The following FHIT variants were observed in gnomAD, a reference collection of about 807,000 sequenced individuals.
FHIT encodes the protein bis(5'-adenosyl)-triphosphatase.
Under a neutral mutation model 17.9 loss-of-function variants are expected in FHIT, and 19 were observed. That is an observed-to-expected ratio of 1.06 (90% CI 0.74 to 1.56). The LOEUF is 1.56. FHIT is among the 40% of genes most tolerant of loss of function. The probability of loss-of-function intolerance (pLI) is 0.00; values close to 1 mark genes in which losing one functional copy is unlikely to be tolerated. For synonymous variants in FHIT, 81 were observed against 69.7 expected (o/e 1.16, Z -0.81); for missense variants, 248 against 189.2 (o/e 1.31, Z -1.82).
intron 5 of FHIT, among the ~76,000 whole-genome samples, chr3:60,186,092 G>A (rs1702145993): frequency 6.6e-6 from 1 of 151,926 alleles, no homozygotes; most frequent in East Asian, 1.9e-4. Context: ...CCAGACTCTG[G>A]CTTGGCTTTT....
At chr3:60,426,902 T>C (rs939718892) in intron 5 of FHIT, among the ~76,000 whole-genome samples, 5 of 152,130 alleles carry the variant, frequency 3.3e-5, no homozygotes, top group Admixed American at 1.3e-4. Flanking sequence ...ATGTAACCCA[T>C]ATAATTCCTC....
intron 5 of FHIT, among the ~76,000 whole-genome samples, chr3:60,318,592 C>T (rs1167020275): frequency 6.6e-6 from 1 of 152,190 alleles, no homozygotes; most frequent in East Asian, 1.9e-4. Flanking sequence ...GTCAAGACCA[C>T]AATGACTGAC....
chr3:60,992,817 A>G (rs866493360), intron 3 of FHIT, among the ~76,000 whole-genome samples: 6 of 152,236 alleles, frequency 3.9e-5, no homozygotes, highest in African/African-American at 1.4e-4. Context: ...TGCTCTATAA[A>G]GAATAAAAAT....
rs891039493 is a variant in FHIT, at chr3:61,219,607, T to C, written c.-212-18942A>G. On this transcript the variant is annotated intron_variant, in intron 1 of 9. Coordinates refer to ENST00000492590, the MANE Select transcript of FHIT (RefSeq NM_002012.4). ...TGCCTAATTCGTCCATATTTTGTTC[T>C]AGAGCAGACAAACTCTGTATCCTTC... is the stretch of plus-strand genomic sequence containing the variant. 4.6e-5 allele frequency among the ~76,000 whole-genome samples: 7 copies of C among 152,182 alleles called. No homozygotes were observed. The East Asian group carries it at 7.7e-4, about 17-fold the overall frequency.
At chr3:60,130,815 A>ATATACACACATATATGTGTGTGTG (rs1699528042) in intron 5 of FHIT, among the ~76,000 whole-genome samples, 2 of 66,054 alleles carry the variant, frequency 3.0e-5, no homozygotes, top group African/African-American at 8.8e-5. Context: ...ATATGTGTGT[A>ATATACACACATATATGTGTGTGTG]TGTGTGTATA....
chr3:60,008,050 AG>A (rs1236413691), intron 7 of FHIT, among the ~76,000 whole-genome samples: 1 of 152,184 alleles, frequency 6.6e-6, no homozygotes, highest in Non-Finnish European at 1.5e-5. Context: ...GACAAAATCC[AG>A]GTCCTCACAA....
chr3:59,845,808 C>T (rs1701699461), intron 8 of FHIT, among the ~76,000 whole-genome samples: 1 of 152,094 alleles, frequency 6.6e-6, no homozygotes. Flanking sequence ...CTGTTTTGTT[C>T]AAGTCCTCTG....
intron 2 of FHIT, among the ~76,000 whole-genome samples, chr3:61,176,098 C>T (rs1463076170): frequency 5.3e-5 from 8 of 152,186 alleles, no homozygotes; most frequent in Non-Finnish European, 1.2e-4. Context: ...CATACAGAAT[C>T]GAAAGGCTGA....
chr3:60,703,389 T>C (rs538817665), intron 4 of FHIT, among the ~76,000 whole-genome samples: 85 of 152,338 alleles, frequency 5.6e-4, no homozygotes, highest in South Asian at 1.0e-3. Flanking sequence ...CAAACGGTAA[T>C]TTGTTATGGT....
chr3:61,024,670 C>G (rs1307447676), intron 3 of FHIT, among the ~76,000 whole-genome samples: 4 of 152,072 alleles, frequency 2.6e-5, no homozygotes, highest in Non-Finnish European at 5.9e-5. Context: ...TGAATAAATA[C>G]TGTAACAAAA....
chr3:60,761,158 C>T (rs553024543), intron 4 of FHIT, among the ~76,000 whole-genome samples: 3 of 152,112 alleles, frequency 2.0e-5, no homozygotes, highest in Non-Finnish European at 2.9e-5. Flanking sequence ...TCCTGCCACT[C>T]TTTTGTAATG....
chr3:60,314,204 G>A (rs1237607325), intron 5 of FHIT, among the ~76,000 whole-genome samples: 1 of 152,124 alleles, frequency 6.6e-6, no homozygotes, highest in Non-Finnish European at 1.5e-5. Context: ...AAAGAGGCCT[G>A]TTGGGCAACA....
At chr3:60,155,514 T>C (rs1700646613) in intron 5 of FHIT, among the ~76,000 whole-genome samples, 1 of 152,208 alleles carries the variant, frequency 6.6e-6, no homozygotes, top group Admixed American at 6.5e-5. Context: ...TGTTTTGCCT[T>C]TGCAGAACTG....
intron 5 of FHIT, among the ~76,000 whole-genome samples, chr3:60,215,812 T>C (rs1703671802): frequency 6.6e-6 from 1 of 152,204 alleles, no homozygotes; most frequent in African/African-American, 2.4e-5. Flanking sequence ...GTACAGAGCC[T>C]GGGCTTGGTA....
At chr3:60,340,280 T>C (rs2106895819) in intron 5 of FHIT, among the ~76,000 whole-genome samples, 1 of 152,362 alleles carries the variant, frequency 6.6e-6, no homozygotes, top group Admixed American at 6.5e-5. Context: ...CACATTTTTA[T>C]ATAAATAGGA....
At chr3:60,966,405 G>C (rs572724046) in intron 3 of FHIT, among the ~76,000 whole-genome samples, 3 of 152,328 alleles carry the variant, frequency 2.0e-5, no homozygotes, top group East Asian at 3.9e-4. Flanking sequence ...GCGATGTCCC[G>C]CCCTGCTTTG....
rs369314967 is a variant in FHIT at position 60,729,194 on chromosome 3, C to A, written c.-18+92725G>T. Among the ~76,000 whole-genome samples the A allele has an allele frequency of 7.7e-4, 118 of 152,294 alleles. 1 individual carries two copies. In the South Asian group the frequency reaches 0.023, roughly 30 times the overall value. The stretch of plus-strand genomic sequence containing the variant: ...TGCAATGAAGTTTAACAGGCTTTAA[C>A]CTTCTGGCTTCAGAAATCCAGATTT... On this transcript the variant is annotated intron_variant, in intron 4 of 9. Coordinates refer to ENST00000492590, the MANE Select transcript of FHIT (RefSeq NM_002012.4).
In FHIT at chr3:61,068,555, C is replaced by A. The variant is rs147115375; in HGVS notation, c.-163-26456G>T. On this transcript the variant is annotated intron_variant, in intron 2 of 9. Transcript: ENST00000492590. The stretch of plus-strand genomic sequence containing the variant: ...GCCCACCCAGGTATTCAGGAGAATC[C>A]CCCCATCTCATGGTCTGTAATCTTA... Among the ~76,000 whole-genome samples, 194 of 152,206 alleles carry A rather than the reference C, an allele frequency of 1.3e-3. 1 individual carries two copies. The highest frequency in any genetic ancestry group is 4.4e-3 in the African/African-American group (184 of 41,538).
chr3:60,265,307 C>T (rs1398623010), intron 5 of FHIT, among the ~76,000 whole-genome samples: 1 of 151,944 alleles, frequency 6.6e-6, no homozygotes, highest in Non-Finnish European at 1.5e-5. Flanking sequence ...TATCTTAAAA[C>T]ATTAAGCAAA....
Sources: allele counts gnomAD v4.1 joint callset (sites outside exome capture counted in the v4.1 genomes callset), GRCh38; gene constraint gnomAD v4.1.1; transcripts MANE v1.5; gene names NCBI Gene and HGNC (gene_info 2026-07-23, HGNC 2026-07-21).